Variants in GABBR2 observed in about 807,000 individuals in gnomAD.
The protein encoded by GABBR2 is G-protein coupled receptor 51.
In GABBR2, 23 loss-of-function variants were observed where a neutral mutation model predicts 105.6. That is an observed-to-expected ratio of 0.22 (90% CI 0.16 to 0.31). The LOEUF (loss-of-function observed/expected upper bound fraction) is 0.31. Among genes scored for constraint, GABBR2 ranks in the 10% least tolerant of loss-of-function variants. The pLI is 1.00. For synonymous variants in GABBR2, 478 were observed against 499.7 expected (o/e 0.96, Z 0.58); for missense variants, 734 against 1,245.5 (o/e 0.59, Z 6.18).
At chr9:98,532,446 C>T (rs547007615) in intron 3 of GABBR2, among the ~76,000 whole-genome samples, 11 of 152,330 alleles carry the variant, frequency 7.2e-5, no homozygotes, top group South Asian at 4.1e-4. Flanking sequence ...GAATCTGATC[C>T]GTCGGAGTCC....
At chr9:98,431,726 C>T (rs1825812181) in intron 7 of GABBR2, among the ~76,000 whole-genome samples, 1 of 151,774 alleles carries the variant, frequency 6.6e-6, no homozygotes, top group Non-Finnish European at 1.5e-5. Flanking sequence ...GATAGAGTCT[C>T]ACTCTATCAC....
rs538908025 is a variant in GABBR2 at position 98,625,340 on chromosome 9, C to A, written c.322-47268G>T. On this transcript the variant is annotated intron_variant, in intron 1 of 18. Transcript: ENST00000259455. Reference sequence around the variant, plus strand: ...GCTCAGGACCATCCAGGAGACACCACCATCCACACCATTGCCCTTCTGTGG... The same window carrying A: ...GCTCAGGACCATCCAGGAGACACCAACATCCACACCATTGCCCTTCTGTGG... 1.4e-4 allele frequency among the ~76,000 whole-genome samples: 21 copies of A among 152,340 alleles called. No homozygotes were observed. In the South Asian group the frequency reaches 4.1e-3, roughly 30 times the overall value.
At chr9:98,666,055 A>G (rs1166174798) in intron 1 of GABBR2, among the ~76,000 whole-genome samples, 4 of 152,182 alleles carry the variant, frequency 2.6e-5, no homozygotes, top group Non-Finnish European at 1.5e-5. Flanking sequence ...AACCAAGGAA[A>G]CTGCATGAGA....
intron 1 of GABBR2, among the ~76,000 whole-genome samples, chr9:98,702,875 C>G (rs1478467208): frequency 6.6e-6 from 1 of 152,152 alleles, no homozygotes; most frequent in Non-Finnish European, 1.5e-5. Context: ...GTGATCAGAC[C>G]CACTGGCATA....
intron 1 of GABBR2, among the ~76,000 whole-genome samples, chr9:98,673,029 A>G (rs542376837): frequency 6.6e-5 from 10 of 152,358 alleles, no homozygotes; most frequent in Admixed American, 3.3e-4. Flanking sequence ...GTTAAAATTC[A>G]AGTGACTGTA....
At chr9:98,504,495 G>A (rs1827466189) in intron 3 of GABBR2, among the ~76,000 whole-genome samples, 1 of 152,164 alleles carries the variant, frequency 6.6e-6, no homozygotes, top group South Asian at 2.1e-4. Context: ...GGAGAACCAG[G>A]GCTGCACCAC....
chr9:98,610,706 T>C (rs1829492822), intron 1 of GABBR2, among the ~76,000 whole-genome samples: 1 of 152,008 alleles, frequency 6.6e-6, no homozygotes, highest in Admixed American at 6.6e-5. Context: ...AGGATTGGTT[T>C]TCCCCCAGGG....
rs371998319 is a variant in GABBR2, at chr9:98,496,482, G to A, written c.663C>T (p.Gly221=). The part of the protein sequence containing the change: ...VRNDLTGVLY[G]EDIEISDTES... ...CGGTGTCTGAAATCTCAATGTCCTC[G>A]CCATACAGAACTCCAGTCAGGTCAT... The change falls in exon 4 of 19, where the codon GGC becomes GGT. Residue 221 remains glycine (G), a synonymous_variant. Transcript: ENST00000259455. 59 of 1,612,752 alleles carry A rather than the reference G, an allele frequency of 3.7e-5. No individual in the cohort carries two copies. Among genetic ancestry groups the A allele is most frequent in the East Asian group, 3.3e-4 (15 of 44,868 alleles).
intron 1 of GABBR2, among the ~76,000 whole-genome samples, chr9:98,707,970 C>T (rs898089537): frequency 5.3e-5 from 8 of 152,078 alleles, no homozygotes; most frequent in African/African-American, 1.9e-4. Context: ...CCCTGGGGGC[C>T]TGTGAGCAGG....
intron 7 of GABBR2, among the ~76,000 whole-genome samples, chr9:98,421,347 C>T (rs750995476): frequency 3.1e-4 from 47 of 152,180 alleles, no homozygotes; most frequent in Non-Finnish European, 6.5e-4. Flanking sequence ...TAAAAATCGA[C>T]GAGGAACAGG....
At chr9:98,707,303 C>T (rs1030675206) in intron 1 of GABBR2, 5 of 152,348 alleles carry the variant, frequency 3.3e-5, no homozygotes, top group Admixed American at 1.3e-4. Flanking sequence ...CCCAGCGCCT[C>T]GGCCCCGTTC....
In GABBR2 at chr9:98,663,586, C is replaced by T. The variant is rs118036590; in HGVS notation, c.321+44831G>A. Among the ~76,000 whole-genome samples, 435 of 151,246 alleles carry T rather than the reference C, an allele frequency of 2.9e-3. 7 individuals are homozygous for T. In the East Asian group the frequency reaches 0.039, roughly 13 times the overall value. On this transcript the variant is annotated intron_variant, in intron 1 of 18. Transcript: ENST00000259455. ...TAGATGGGCAGCCAACAAAGGTAGTCCTTCATTTATGGAGCCAAAAACTGA... is the reference window on the plus strand; with the variant it reads ...TAGATGGGCAGCCAACAAAGGTAGTTCTTCATTTATGGAGCCAAAAACTGA...
At chr9:98,565,467 C>G (rs185089526) in intron 2 of GABBR2, among the ~76,000 whole-genome samples, 1 of 152,110 alleles carries the variant, frequency 6.6e-6, no homozygotes, top group South Asian at 2.1e-4. Flanking sequence ...ACAACATTAT[C>G]GAGGTTATCA....
chr9:98,318,609 G>A (rs1039059991), intron 13 of GABBR2, among the ~76,000 whole-genome samples: 1 of 152,148 alleles, frequency 6.6e-6, no homozygotes, highest in Non-Finnish European at 1.5e-5. Flanking sequence ...TCTGATCACG[G>A]GGCTCTTGGC....
chr9:98,426,767 G>A (rs959881505), intron 7 of GABBR2, among the ~76,000 whole-genome samples: 3 of 152,170 alleles, frequency 2.0e-5, no homozygotes, highest in African/African-American at 7.2e-5. Flanking sequence ...GAGGGAGGCC[G>A]AGGTGGGCAG....
At chr9:98,613,527 AT>A (rs1829538596) in intron 1 of GABBR2, among the ~76,000 whole-genome samples, 1 of 152,162 alleles carries the variant, frequency 6.6e-6, no homozygotes, top group Non-Finnish European at 1.5e-5. Context: ...CCAAAAGAAT[AT>A]GATAAAAGCG....
intron 13 of GABBR2, among the ~76,000 whole-genome samples, chr9:98,347,652 C>A (rs1043463943): frequency 7.9e-5 from 12 of 152,052 alleles, no homozygotes; most frequent in African/African-American, 2.9e-4. Flanking sequence ...TTGCTTAAAC[C>A]AATGTTTTGA....
intron 7 of GABBR2, among the ~76,000 whole-genome samples, chr9:98,414,477 C>T (rs1350245942): frequency 2.0e-5 from 3 of 152,160 alleles, no homozygotes; most frequent in African/African-American, 7.2e-5. Context: ...AGAACCTTAC[C>T]AGCTATGCCA....
chr9:98,290,784 G>C, intron 18 of GABBR2, 35 bp from the exon 19 acceptor site: 4 of 1,423,298 alleles, frequency 2.8e-6, no homozygotes, highest in Non-Finnish European at 3.7e-6. Context: ...GTTAGTGAAG[G>C]GTAGCTGGGC....
Sources: gnomAD v4.1 joint callset for allele counts (sites outside exome capture counted in the v4.1 genomes callset) on GRCh38, gnomAD v4.1.1 for gene constraint, MANE v1.5 for transcripts, NCBI Gene and HGNC (gene_info 2026-07-23, HGNC 2026-07-21) for gene names.